Variants in SAMD12 observed in about 807,000 individuals in gnomAD.
SAMD12 encodes sterile alpha motif domain containing 12.
Under a neutral mutation model 15.0 loss-of-function variants are expected in SAMD12, and 9 were observed. The ratio of observed to expected loss-of-function variants is 0.60; its 90% confidence interval spans 0.36 to 1.05. The LOEUF (loss-of-function observed/expected upper bound fraction) is 1.05. SAMD12 is among the 50% of genes least tolerant of loss of function. SAMD12 has a pLI of 0.01. For missense variants in SAMD12, 230 were observed against 234.2 expected (o/e 0.98, Z 0.12); for synonymous variants, 86 against 90.1 (o/e 0.96, Z 0.25).
chr8:118,323,149 C>T (rs1816372812), intron 4 of SAMD12, among the ~76,000 whole-genome samples: 1 of 152,172 alleles, frequency 6.6e-6, no homozygotes, highest in East Asian at 1.9e-4. Flanking sequence ...AAATGTGGAA[C>T]AGAGTCACCC....
chr8:118,237,601 A>G (rs1405782182), intron 4 of SAMD12, among the ~76,000 whole-genome samples: 9 of 152,120 alleles, frequency 5.9e-5, no homozygotes, highest in Non-Finnish European at 1.5e-5. Flanking sequence ...AATGCCACCC[A>G]GGGCCTCTTA....
At chr8:118,284,101 T>C (rs1813801553) in intron 4 of SAMD12, among the ~76,000 whole-genome samples, 1 of 152,194 alleles carries the variant, frequency 6.6e-6, no homozygotes, top group African/African-American at 2.4e-5. Context: ...AAATCTTCCT[T>C]CCACCAAGCT....
intron 4 of SAMD12, among the ~76,000 whole-genome samples, chr8:118,332,407 A>G (rs1303016791): frequency 2.6e-5 from 4 of 152,270 alleles, no homozygotes; most frequent in Non-Finnish European, 5.9e-5. Context: ...GCGTCGCTGC[A>G]GTGGCTGAGA....
At chr8:118,419,868 T>C (rs1174499804) in intron 3 of SAMD12, among the ~76,000 whole-genome samples, 2 of 152,188 alleles carry the variant, frequency 1.3e-5, no homozygotes, top group African/African-American at 4.8e-5. Context: ...AACTGCTCCC[T>C]TGGAAGGAAT....
intron 2 of SAMD12, among the ~76,000 whole-genome samples, chr8:118,554,559 G>A (rs1826463091): frequency 6.6e-6 from 1 of 151,570 alleles, no homozygotes; most frequent in African/African-American, 2.4e-5. Context: ...ATAGCATTGG[G>A]AAATATACCT....
intron 2 of SAMD12, among the ~76,000 whole-genome samples, chr8:118,457,053 A>G (rs1455833122): frequency 2.0e-5 from 3 of 152,226 alleles, no homozygotes; most frequent in African/African-American, 4.8e-5. Flanking sequence ...CATGTTTGCT[A>G]TAAGAATTCA....
intron 3 of SAMD12, among the ~76,000 whole-genome samples, chr8:118,399,679 T>C (rs933921420): frequency 2.6e-5 from 4 of 152,144 alleles, no homozygotes; most frequent in African/African-American, 9.7e-5. Context: ...TTCTTTCATT[T>C]CCCTCACAAG....
intron 4 of SAMD12, among the ~76,000 whole-genome samples, chr8:118,371,666 G>A (rs536421757): frequency 1.3e-5 from 2 of 152,254 alleles, no homozygotes; most frequent in East Asian, 3.9e-4. Flanking sequence ...TTAAATTTGA[G>A]ATGTCAGAGA....
chr8:118,487,597 C>A (rs905763237), intron 2 of SAMD12, among the ~76,000 whole-genome samples: 2 of 152,142 alleles, frequency 1.3e-5, no homozygotes, highest in African/African-American at 4.8e-5. Flanking sequence ...TTTTATTGAG[C>A]CTTTAACCTA....
At chr8:118,327,491 G>A (rs770327554) in intron 4 of SAMD12, among the ~76,000 whole-genome samples, 2 of 152,316 alleles carry the variant, frequency 1.3e-5, no homozygotes, top group Middle Eastern at 3.4e-3. Flanking sequence ...ACATGGGATT[G>A]TTCTGGAGAA....
At chr8:118,502,120 C>T (rs983768838) in intron 2 of SAMD12, among the ~76,000 whole-genome samples, 4 of 151,530 alleles carry the variant, frequency 2.6e-5, no homozygotes, top group African/African-American at 9.7e-5. Flanking sequence ...TGCTGGTGTA[C>T]AGACCTCACT....
intron 3 of SAMD12, among the ~76,000 whole-genome samples, chr8:118,431,117 A>G (rs1822391793): frequency 6.6e-6 from 1 of 152,148 alleles, no homozygotes; most frequent in Non-Finnish European, 1.5e-5. Flanking sequence ...TCCACCTTCA[A>G]ATAACACTAT....
intron 2 of SAMD12, among the ~76,000 whole-genome samples, chr8:118,519,014 C>T (rs778994086): frequency 6.6e-6 from 1 of 152,112 alleles, no homozygotes. Context: ...AGGCAGGAGT[C>T]ATGGAAATGC....
At chr8:118,252,606 TTC>T (rs1480193927) in intron 4 of SAMD12, among the ~76,000 whole-genome samples, 1 of 152,100 alleles carries the variant, frequency 6.6e-6, no homozygotes, top group Non-Finnish European at 1.5e-5. Flanking sequence ...CTTTTCCCAG[TTC>T]TCTTTCTTAC....
chr8:118,568,876 T>C (rs1826926948), intron 2 of SAMD12, among the ~76,000 whole-genome samples: 1 of 152,194 alleles, frequency 6.6e-6, no homozygotes, highest in African/African-American at 2.4e-5. Context: ...AAATACGCAA[T>C]AGAACAACCA....
intron 3 of SAMD12, among the ~76,000 whole-genome samples, chr8:118,390,669 A>C (rs571576248): frequency 6.6e-6 from 1 of 152,274 alleles, no homozygotes; most frequent in East Asian, 1.9e-4. Flanking sequence ...TTCCAAGACC[A>C]ATAAGTCTCC....
intron 3 of SAMD12, among the ~76,000 whole-genome samples, chr8:118,387,243 C>A (rs990937429): frequency 6.6e-6 from 1 of 152,172 alleles, no homozygotes. Flanking sequence ...TCACAGCTAA[C>A]AGGTGTAGAT....
At chr8:118,278,267 C>A (rs1813518426) in intron 4 of SAMD12, among the ~76,000 whole-genome samples, 1 of 152,202 alleles carries the variant, frequency 6.6e-6, no homozygotes, top group Non-Finnish European at 1.5e-5. Flanking sequence ...GCCCATGTAG[C>A]CCTGCAGGCT....
chr8:118,268,254 C>A (rs562940845), intron 4 of SAMD12, among the ~76,000 whole-genome samples: 1 of 152,172 alleles, frequency 6.6e-6, no homozygotes, highest in Non-Finnish European at 1.5e-5. Flanking sequence ...CTATCACACA[C>A]GTTCTCCTTC....
Sources: allele counts gnomAD v4.1 joint callset (sites outside exome capture counted in the v4.1 genomes callset), GRCh38; gene constraint gnomAD v4.1.1; transcripts MANE v1.5; gene names NCBI Gene and HGNC (gene_info 2026-07-23, HGNC 2026-07-21).